TMPRSS11F: variants seen among roughly 807,000 people sequenced by gnomAD.
The protein encoded by TMPRSS11F is transmembrane serine protease 11F, also known as transmembrane protease serine 11F.
A neutral mutation model predicts 60.2 loss-of-function variants in TMPRSS11F; 47 were observed. The observed-to-expected ratio is 0.78, with a 90% CI of 0.62 to 1.00. The LOEUF (loss-of-function observed/expected upper bound fraction) is 1.00, where lower values mean the gene tolerates loss of function less well. Among genes scored for constraint, TMPRSS11F ranks in the 50% least tolerant of loss-of-function variants. The pLI is 0.00. For missense variants in TMPRSS11F, 519 were observed against 522.9 expected, an observed-to-expected ratio of 0.99 and a Z score of 0.07; for synonymous variants, 166 against 167.3, an observed-to-expected ratio of 0.99 and a Z score of 0.06.
At chr4:68,082,252 A>G in intron 3 of TMPRSS11F, among the ~76,000 whole-genome samples, 1 of 152,152 alleles carries the variant, frequency 6.6e-6, no homozygotes, top group Admixed American at 6.5e-5. Flanking sequence ...TACCTACAAG[A>G]GATCCCACAA....
In TMPRSS11F at chr4:68,109,372, C is replaced by T. The variant is rs183995581; in HGVS notation, c.12-10334G>A. On this transcript the variant is annotated intron_variant, in intron 1 of 9. Coordinates refer to ENST00000356291, the MANE Select transcript of TMPRSS11F (RefSeq NM_207407.2). ...ACCACAGGGTTAAATTCTCTTATTG[C>T]CTTGGTGAAAAATTAGGGTCATGCT... is the stretch of plus-strand genomic sequence containing the variant. 1.6e-4 allele frequency among the ~76,000 whole-genome samples: 25 copies of T among 152,124 alleles called. 1 individual carries two copies. Among genetic ancestry groups the T allele is most frequent in the Non-Finnish European group, 8.8e-5 (6 of 67,992 alleles).
intron 1 of TMPRSS11F, among the ~76,000 whole-genome samples, chr4:68,118,357 A>T (rs1724565397): frequency 6.6e-6 from 1 of 152,166 alleles, no homozygotes; most frequent in African/African-American, 2.4e-5. Flanking sequence ...AACTTCAAGA[A>T]AGGTTTTAAT....
At chr4:68,081,779 T>A (rs1723699714) in intron 3 of TMPRSS11F, among the ~76,000 whole-genome samples, 1 of 152,208 alleles carries the variant, frequency 6.6e-6, no homozygotes, top group South Asian at 2.1e-4. Flanking sequence ...ACACAAACTC[T>A]ACCACACGTA....
chr4:68,127,743 T>A (rs1028559929), intron 1 of TMPRSS11F, among the ~76,000 whole-genome samples: 5 of 152,092 alleles, frequency 3.3e-5, no homozygotes, highest in Non-Finnish European at 5.9e-5. Flanking sequence ...AATCTGAATC[T>A]GAATCATATA....
At chr4:68,083,118 C>T (rs1430799483) in intron 3 of TMPRSS11F, among the ~76,000 whole-genome samples, 1 of 152,200 alleles carries the variant, frequency 6.6e-6, no homozygotes, top group Non-Finnish European at 1.5e-5. Flanking sequence ...CCAGAGACCC[C>T]TCACCCTTGA....
At chr4:68,121,298 G>C (rs1413972076) in intron 1 of TMPRSS11F, among the ~76,000 whole-genome samples, 1 of 152,130 alleles carries the variant, frequency 6.6e-6, no homozygotes, top group African/African-American at 2.4e-5. Flanking sequence ...ACTTGTGACT[G>C]AGTATGCGAA....
At chr4:68,068,504 C>T (rs1723377233) in intron 7 of TMPRSS11F, 114 bp downstream of exon 7, 1 of 820,786 alleles carries the variant, frequency 1.2e-6, no homozygotes, top group Non-Finnish European at 2.0e-6. Flanking sequence ...ACAGCTAGGT[C>T]TACCCTGAAT....
intron 2 of TMPRSS11F, among the ~76,000 whole-genome samples, chr4:68,097,926 T>G (rs1724104805): frequency 1.3e-5 from 2 of 152,290 alleles, no homozygotes; most frequent in East Asian, 3.9e-4. Context: ...ATATTTCATT[T>G]CTTCTTCGGA....
At chr4:68,096,649 G>T (rs1724082084) in intron 2 of TMPRSS11F, among the ~76,000 whole-genome samples, 1 of 152,012 alleles carries the variant, frequency 6.6e-6, no homozygotes, top group Non-Finnish European at 1.5e-5. Context: ...TTTTAAAATT[G>T]CCCAGTTTTA....
chr4:68,067,765 G>T (rs969623532), intron 7 of TMPRSS11F, among the ~76,000 whole-genome samples: 1 of 152,198 alleles, frequency 6.6e-6, no homozygotes, highest in African/African-American at 2.4e-5. Flanking sequence ...CCCTTAGAAG[G>T]ATGATAAAGC....
intron 1 of TMPRSS11F, among the ~76,000 whole-genome samples, chr4:68,122,928 A>G (rs1724649794): frequency 6.6e-6 from 1 of 152,192 alleles, no homozygotes; most frequent in African/African-American, 2.4e-5. Context: ...AGTTTATTCA[A>G]GTTGGGAAGT....
chr4:68,087,966 G>A (rs188770185), intron 3 of TMPRSS11F, among the ~76,000 whole-genome samples: 40 of 148,088 alleles, frequency 2.7e-4, no homozygotes, highest in African/African-American at 1.0e-3. Flanking sequence ...GAGAATATGT[G>A]GTGTTTGGTT....
chr4:68,100,410 T>C (rs1724168729), intron 1 of TMPRSS11F, among the ~76,000 whole-genome samples: 1 of 152,100 alleles, frequency 6.6e-6, no homozygotes, highest in East Asian at 1.9e-4. Flanking sequence ...TGCAGACAGG[T>C]AGACCAGTTT....
intron 1 of TMPRSS11F, among the ~76,000 whole-genome samples, chr4:68,111,248 A>C (rs1724405748): frequency 6.6e-6 from 1 of 152,174 alleles, no homozygotes; most frequent in Admixed American, 6.5e-5. Flanking sequence ...TATATTTCCA[A>C]AATGATTCTT....
At chr4:68,070,896 G>T (rs1306778263) in intron 5 of TMPRSS11F, among the ~76,000 whole-genome samples, 5 of 152,130 alleles carry the variant, frequency 3.3e-5, no homozygotes, top group Non-Finnish European at 5.9e-5. Flanking sequence ...CATGTATGTG[G>T]CAGAAGAAAA....
At chr4:68,070,418 C>A (rs1281419448) in intron 5 of TMPRSS11F, among the ~76,000 whole-genome samples, 2 of 152,132 alleles carry the variant, frequency 1.3e-5, no homozygotes, top group Non-Finnish European at 2.9e-5. Context: ...AATGGCCAGT[C>A]AGAAATGGTA....
At chr4:68,094,255 T>G (rs1301736354) in intron 2 of TMPRSS11F, among the ~76,000 whole-genome samples, 2 of 116,494 alleles carry the variant, frequency 1.7e-5, no homozygotes, top group Non-Finnish European at 3.8e-5. Flanking sequence ...TGTAGGGACA[T>G]GGATGAAATT....
intron 1 of TMPRSS11F, among the ~76,000 whole-genome samples, chr4:68,099,506 C>T (rs527627083): frequency 2.0e-5 from 3 of 152,140 alleles, no homozygotes; most frequent in African/African-American, 7.2e-5. Flanking sequence ...TTCCACCACT[C>T]ATGAGCATCC....
At chr4:68,112,185 A>T (rs1296311269) in intron 1 of TMPRSS11F, among the ~76,000 whole-genome samples, 1 of 152,106 alleles carries the variant, frequency 6.6e-6, no homozygotes, top group African/African-American at 2.4e-5. Flanking sequence ...ATTTTCATTG[A>T]CGTTTCAAGT....
Sources: allele counts gnomAD v4.1 joint callset (sites outside exome capture counted in the v4.1 genomes callset), GRCh38; gene constraint gnomAD v4.1.1; transcripts MANE v1.5; gene names NCBI Gene and HGNC (gene_info 2026-07-23, HGNC 2026-07-21).